PCDHGA8: variants seen among roughly 807,000 people sequenced by gnomAD.
PCDHGA8 encodes the protein protocadherin gamma-A8.
Under a neutral mutation model 59.2 loss-of-function variants are expected in PCDHGA8, and 45 were observed. That is an observed-to-expected ratio of 0.76 (90% confidence interval 0.60 to 0.98). The LOEUF is 0.98. PCDHGA8 is among the 50% of genes least tolerant of loss of function. The probability of loss-of-function intolerance (pLI) is 0.00; values close to 1 mark genes in which losing one functional copy is unlikely to be tolerated. For missense variants in PCDHGA8, 1,257 were observed against 1,196.2 expected (o/e 1.05, Z -0.75); for synonymous variants, 531 against 519.0 (o/e 1.02, Z -0.32).
At chr5:141,410,481 G>A in intron 1 of PCDHGA8, 2 of 1,613,966 alleles carry the variant, frequency 1.2e-6, no homozygotes, top group Non-Finnish European at 1.7e-6. Context: ...GCACATACGG[G>A]TACAAAAGAG....
chr5:141,421,403 A>G, intron 1 of PCDHGA8: 1 of 1,614,054 alleles, frequency 6.2e-7, no homozygotes, highest in Non-Finnish European at 8.5e-7. Context: ...GAGCCCCGGG[A>G]GCTGGCGAAG....
chr5:141,473,647 C>T (rs2099326149), intron 1 of PCDHGA8, among the ~76,000 whole-genome samples: 1 of 152,172 alleles, frequency 6.6e-6, no homozygotes, highest in Non-Finnish European at 1.5e-5. Flanking sequence ...GGCAAAGGAA[C>T]AATTTGTGTG....
intron 1 of PCDHGA8, among the ~76,000 whole-genome samples, chr5:141,420,650 A>G (rs2096512866): frequency 6.6e-6 from 1 of 152,244 alleles, no homozygotes; most frequent in Non-Finnish European, 1.5e-5. Context: ...TGTAAGAATT[A>G]TAGTTAGGCA....
chr5:141,433,262 T>A, intron 1 of PCDHGA8: 1 of 1,339,436 alleles, frequency 7.5e-7, no homozygotes, highest in Non-Finnish European at 1.0e-6. Flanking sequence ...GGTACGATCA[T>A]AGCTCACTGC....
chr5:141,475,297 T>C lies in PCDHGA8; in HGVS notation c.2425-19510T>C, dbSNP rs187277570. Among the ~76,000 whole-genome samples the C allele has an allele frequency of 6.5e-4, 99 of 152,360 alleles. 2 individuals are homozygous for C. Among genetic ancestry groups the C allele is most frequent in the African/African-American group, 2.3e-3 (96 of 41,586 alleles). ...TGAAAGACAGGGTAGGGAAATTTCT[T>C]ATTGCTCCCTGGTTCTTAAGAAATG... On this transcript the variant is annotated intron_variant, in intron 1 of 3. Transcript: ENST00000398604.
At chr5:141,430,767 C>T in intron 1 of PCDHGA8, 1 of 1,506,782 alleles carries the variant, frequency 6.6e-7, no homozygotes, top group Non-Finnish European at 8.9e-7. Flanking sequence ...AGAATGATTC[C>T]TGCGCGACTG....
intron 1 of PCDHGA8, chr5:141,409,205 A>C (rs766592481): frequency 1.2e-6 from 2 of 1,614,068 alleles, no homozygotes; most frequent in Non-Finnish European, 1.7e-6. Flanking sequence ...TAAAGTAATC[A>C]TAGAAATCCT....
chr5:141,415,811 A>G (rs2095960996), intron 1 of PCDHGA8: 5 of 1,340,748 alleles, frequency 3.7e-6, no homozygotes, highest in South Asian at 1.7e-5. Flanking sequence ...ATCAAGGCCT[A>G]TATATCATAA....
chr5:141,502,864 G>T (rs1595824348), intron 2 of PCDHGA8, among the ~76,000 whole-genome samples: 4 of 61,548 alleles, frequency 6.5e-5, no homozygotes, highest in African/African-American at 2.4e-4. Flanking sequence ...CTGACTCTCT[G>T]TCTTTTTTTT....
chr5:141,463,990 G>C (rs2099073582), intron 1 of PCDHGA8, among the ~76,000 whole-genome samples: 1 of 151,990 alleles, frequency 6.6e-6, no homozygotes, highest in Admixed American at 6.6e-5. Context: ...TAAAAACCAG[G>C]TGCAGTGGCT....
At chr5:141,400,189 C>G (rs376855933) in intron 1 of PCDHGA8, 2 of 1,614,056 alleles carry the variant, frequency 1.2e-6, no homozygotes, top group Non-Finnish European at 1.7e-6. Flanking sequence ...GCAGTTTTAC[C>G]TAGTGGTGGC....
chr5:141,489,723 T>C lies in PCDHGA8; in HGVS notation c.2425-5084T>C, dbSNP rs900332220. ...CACTGGACAGTGCCCAGGATCCGGA[T>C]GTGGGCACCAATACTGTGAGCTTTT... On this transcript the variant is annotated intron_variant, in intron 1 of 3. Coordinates refer to ENST00000398604, the MANE Select transcript of PCDHGA8 (RefSeq NM_032088.2). This position sits in a 1 kb window ranked among gnomAD's most constrained non-coding sequence, Gnocchi z 4.5. 4.3e-6 allele frequency: 7 copies of C among 1,613,958 alleles called. No homozygotes were observed. The highest frequency in any genetic ancestry group is 5.9e-6 in the Non-Finnish European group (7 of 1,179,940).
rs114740440 is a variant in PCDHGA8 at position 141,426,595 on chromosome 5, C to T, written c.2424+31358C>T. The T allele has an allele frequency of 4.0e-3, 1,518 of 375,912 alleles. 5 individuals carry two copies. Among genetic ancestry groups the T allele is most frequent in the Non-Finnish European group, 5.9e-3 (1,105 of 185,722 alleles). 23.3% of individuals were successfully genotyped at this position (375,912 alleles called of 1,614,324 possible). ...GTCTTCAAAATCCTCTGTGTCATAC[C>T]CTTAGAGATTGTAGCAGAGAATCCT... On this transcript the variant is annotated intron_variant, in intron 1 of 3. Coordinates refer to ENST00000398604, the MANE Select transcript of PCDHGA8 (RefSeq NM_032088.2).
rs780685517 is a variant in PCDHGA8 at position 141,489,548 on chromosome 5, T to C, written c.2425-5259T>C. 6.2e-7 allele frequency: 1 copy of C among 1,614,136 alleles called. No individual in the cohort carries two copies. Among genetic ancestry groups the C allele is most frequent in the South Asian group, 1.1e-5 (1 of 91,086 alleles). On this transcript the variant is annotated intron_variant, in intron 1 of 3. Coordinates refer to ENST00000398604, the MANE Select transcript of PCDHGA8 (RefSeq NM_032088.2). This position sits in a 1 kb window ranked among gnomAD's most constrained non-coding sequence, Gnocchi z 4.5. ...CTATGTGGAGCCAGCACCAGCTGCCTGCTGCCAGTGCAGGTGGTGACTGAA... is the reference window on the plus strand; with the variant it reads ...CTATGTGGAGCCAGCACCAGCTGCCCGCTGCCAGTGCAGGTGGTGACTGAA...
chr5:141,397,967 C>T (rs931333276), intron 1 of PCDHGA8: 2 of 1,110,472 alleles, frequency 1.8e-6, no homozygotes, highest in Non-Finnish European at 2.5e-6. Context: ...CTCAGACTCC[C>T]CAGCGCCGGC....
chr5:141,478,045 T>A, intron 1 of PCDHGA8: 1 of 1,614,144 alleles, frequency 6.2e-7, no homozygotes, highest in Non-Finnish European at 8.5e-7. Context: ...CCAGGCAGAC[T>A]CTCACGGTCT....
rs1258238617 is a variant in PCDHGA8, at chr5:141,409,461, T to A, written c.2424+14224T>A. On this transcript the variant is annotated intron_variant, in intron 1 of 3. Coordinates refer to ENST00000398604, the MANE Select transcript of PCDHGA8 (RefSeq NM_032088.2). ...CGAGAGCAGACACCAGAATACAATG[T>A]CACCATCGTAGCCACTGACAGGGGC... The A allele has an allele frequency of 5.0e-6, 8 of 1,613,928 alleles. No homozygotes were observed. In the Admixed American group the frequency reaches 1.3e-4, roughly 27 times the overall value.
rs371821042 is a variant in PCDHGA8, at chr5:141,421,764, T to C, written c.2424+26527T>C. The C allele has an allele frequency of 8.7e-6, 14 of 1,613,782 alleles. No individual in the cohort carries two copies. The African/African-American group carries it at 1.5e-4, about 17-fold the overall frequency. ...ACCAGCTCAGCCCTAATAATTACTT[T>C]TCCTTGCAACTGCGGGGCAGAACGG... On this transcript the variant is annotated intron_variant, in intron 1 of 3. Transcript: ENST00000398604.
At chr5:141,414,400 G>C (rs768269499) in intron 1 of PCDHGA8, 1 of 1,613,878 alleles carries the variant, frequency 6.2e-7, no homozygotes, top group Admixed American at 1.7e-5. Context: ...TTACAGATTG[G>C]TGATACACAG....
Sources: gnomAD v4.1 joint callset for allele counts (sites outside exome capture counted in the v4.1 genomes callset) on GRCh38, gnomAD v4.1.1 for gene constraint, Gnocchi (gnomAD v3.1) non-coding constraint, MANE v1.5 for transcripts, NCBI Gene and HGNC (gene_info 2026-07-23, HGNC 2026-07-21) for gene names.